Variants in TTPA observed in about 807,000 individuals in gnomAD.
The protein encoded by TTPA is alpha-tocopherol transfer protein.
Under a neutral mutation model 25.9 loss-of-function variants are expected in TTPA, and 23 were observed. The observed-to-expected ratio is 0.89, with a 90% CI of 0.64 to 1.26. The LOEUF (loss-of-function observed/expected upper bound fraction) is 1.26, where lower values mean the gene tolerates loss of function less well. Ranked by LOEUF, TTPA falls within the 50% of genes most tolerant of loss-of-function variation. The probability of loss-of-function intolerance (pLI) is 0.00; values close to 1 mark genes in which losing one functional copy is unlikely to be tolerated. For synonymous variants in TTPA, 148 were observed against 137.3 expected (o/e 1.08, Z -0.54); for missense variants, 337 against 353.1 (o/e 0.95, Z 0.37).
At chr8:63,077,225 G>C (rs1805576867) in intron 1 of TTPA, among the ~76,000 whole-genome samples, 1 of 152,210 alleles carries the variant, frequency 6.6e-6, no homozygotes, top group South Asian at 2.1e-4. Context: ...GCTCCAGTCT[G>C]CAACTCCCAG....
At chr8:63,070,250 T>A (rs913364076) in intron 2 of TTPA, among the ~76,000 whole-genome samples, 2 of 152,130 alleles carry the variant, frequency 1.3e-5, no homozygotes, top group African/African-American at 4.8e-5. Flanking sequence ...TCAAAAAACA[T>A]AAAATTATAT....
downstream of TTPA, among the ~76,000 whole-genome samples, chr8:63,059,303 A>ATTAC (rs918284042): frequency 2.6e-5 from 4 of 151,944 alleles, no homozygotes; most frequent in Non-Finnish European, 4.4e-5. Context: ...AAGTGCTGGG[A>ATTAC]TTACAGGCGT....
chr8:63,072,156 C>G (rs1805493013), intron 2 of TTPA, among the ~76,000 whole-genome samples: 1 of 152,194 alleles, frequency 6.6e-6, no homozygotes, highest in African/African-American at 2.4e-5. Context: ...TAGTGACTAC[C>G]TACCAAGTAC....
chr8:63,059,234 G>A (rs986037992), downstream of TTPA, among the ~76,000 whole-genome samples: 1 of 150,300 alleles, frequency 6.7e-6, no homozygotes, highest in Non-Finnish European at 1.5e-5. Flanking sequence ...GGGTTTCACC[G>A]TTTTAGCCGG....
At chr8:63,080,848 C>G (rs1805652807) in intron 1 of TTPA, among the ~76,000 whole-genome samples, 1 of 151,590 alleles carries the variant, frequency 6.6e-6, no homozygotes, top group South Asian at 2.1e-4. Context: ...AAACTGCCAT[C>G]AGAGAATACT....
intron 1 of TTPA, among the ~76,000 whole-genome samples, chr8:63,078,955 C>T (rs1009328586): frequency 1.3e-5 from 2 of 152,298 alleles, no homozygotes. Flanking sequence ...GGGTTACCCA[C>T]AAAGGGAAGC....
At chr8:63,084,828 C>T (rs1292842908) in intron 1 of TTPA, among the ~76,000 whole-genome samples, 1 of 152,214 alleles carries the variant, frequency 6.6e-6, no homozygotes, top group African/African-American at 2.4e-5. Flanking sequence ...CCTCAGGCTG[C>T]TCTGTCTCTA....
intron 3 of TTPA, among the ~76,000 whole-genome samples, chr8:63,064,704 C>A (rs1805360861): frequency 6.6e-6 from 1 of 152,052 alleles, no homozygotes; most frequent in Admixed American, 6.6e-5. Flanking sequence ...GAAAGACTAG[C>A]ACAATAAACA....
At chr8:63,064,434 T>C in intron 3 of TTPA, 118 bp from the exon 4 acceptor site, 1 of 712,904 alleles carries the variant, frequency 1.4e-6, no homozygotes. Flanking sequence ...GTGTGTGATT[T>C]TATCTTCAAA....
intron 1 of TTPA, among the ~76,000 whole-genome samples, chr8:63,079,175 G>A (rs1025946182): frequency 6.6e-6 from 1 of 152,260 alleles, no homozygotes; most frequent in African/African-American, 2.4e-5. Context: ...AAGAGCTCCT[G>A]AAAGAAGCAT....
intron 1 of TTPA, among the ~76,000 whole-genome samples, chr8:63,080,719 CAAA>C (rs764937720): frequency 2.3e-4 from 16 of 69,922 alleles, no homozygotes; most frequent in African/African-American, 6.3e-4. Context: ...GACTCCGTAT[CAAA>C]AAAAAAAAAA....
intron 2 of TTPA, among the ~76,000 whole-genome samples, chr8:63,070,210 C>T (rs1015780473): frequency 1.3e-4 from 19 of 150,394 alleles, no homozygotes; most frequent in Admixed American, 1.1e-3. Context: ...TTAAATTTTA[C>T]TTTTGCTGCT....
chr8:63,064,888 A>G (rs1805364765), intron 3 of TTPA, among the ~76,000 whole-genome samples: 1 of 152,026 alleles, frequency 6.6e-6, no homozygotes, highest in South Asian at 2.1e-4. Flanking sequence ...AAGTTCTTTT[A>G]TTTTTTCCAT....
At chr8:63,073,636 C>T (rs1459680510) in intron 1 of TTPA, among the ~76,000 whole-genome samples, 1 of 152,164 alleles carries the variant, frequency 6.6e-6, no homozygotes, top group African/African-American at 2.4e-5. Context: ...CCATCTAATG[C>T]CATGTGGAAC....
chr8:63,064,845 C>G (rs1049620017), intron 3 of TTPA, among the ~76,000 whole-genome samples: 1 of 152,170 alleles, frequency 6.6e-6, no homozygotes, highest in African/African-American at 2.4e-5. Context: ...ATTATTAATA[C>G]AGAGACCTTT....
intron 2 of TTPA, among the ~76,000 whole-genome samples, chr8:63,069,735 A>AG (rs1258712424): frequency 3.8e-5 from 4 of 104,910 alleles, no homozygotes; most frequent in Non-Finnish European, 3.9e-5. Flanking sequence ...ACCCTAGCTT[A>AG]GAAAAAAAAA....
rs779339516 is a variant in TTPA, at chr8:63,061,367, A to G, written c.722T>C (p.Leu241Pro). The G allele has an allele frequency of 6.2e-7, 1 of 1,614,030 alleles. No individual in the cohort carries two copies. Among genetic ancestry groups the G allele is most frequent in the Non-Finnish European group, 8.5e-7 (1 of 1,179,942 alleles). Residue 241 changes from leucine (L) to proline (P), a missense_variant, in exon 5 of 5, where the codon CTT (leucine) becomes CCT (proline). By Grantham distance (98) the Leu-to-Pro change is moderately conservative. Transcript: ENST00000260116. ...TTCTTCACCACCATATTCCAGAGGA[A>G]GAATGTCTGGGAAATGCTGAAGCAA... is the stretch of plus-strand genomic sequence containing the variant. ...QSLLQHFPDILPLEYGGEEFS... is the reference protein window; with the variant it reads ...QSLLQHFPDIPPLEYGGEEFS...
chr8:63,075,108 A>G (rs183908825), intron 1 of TTPA, among the ~76,000 whole-genome samples: 1 of 152,250 alleles, frequency 6.6e-6, no homozygotes, highest in South Asian at 2.1e-4. Context: ...TAAATTATGT[A>G]AATAAACTGC....
chr8:63,066,160 G>A, intron 2 of TTPA, 63 bp from the exon 3 acceptor site: 1 of 1,441,906 alleles, frequency 6.9e-7, no homozygotes, highest in Admixed American at 1.8e-5. Flanking sequence ...ATTTCCAAAG[G>A]GAGACTAATT....
Sources: allele counts gnomAD v4.1 joint callset (sites outside exome capture counted in the v4.1 genomes callset), GRCh38; gene constraint gnomAD v4.1.1; transcripts MANE v1.5; gene names NCBI Gene and HGNC (gene_info 2026-07-23, HGNC 2026-07-21).